The following CSMD1 variants were observed in gnomAD, a reference collection of about 807,000 sequenced individuals.
CSMD1 encodes CUB and sushi domain-containing protein 1.
CSMD1 carries 213 observed loss-of-function variants against 417.5 expected under a neutral mutation model. The observed-to-expected ratio is 0.51, with a 90% CI of 0.46 to 0.57. The LOEUF is 0.57. Ranked by LOEUF, CSMD1 falls within the 20% of genes least tolerant of loss-of-function variation. The pLI, the probability that CSMD1 is intolerant of heterozygous loss-of-function variation, is 0.00. For synonymous variants in CSMD1, 2,862 were observed against 1,736.8 expected (o/e 1.65, Z -16.11); for missense variants, 6,923 against 4,529.7 (o/e 1.53, Z -15.17).
intron 2 of CSMD1, among the ~76,000 whole-genome samples, chr8:4,599,933 T>C (rs1418314977): frequency 2.0e-5 from 3 of 152,202 alleles, no homozygotes. Context: ...AACCCAGGTA[T>C]GCATGGATCT....
intron 1 of CSMD1, among the ~76,000 whole-genome samples, chr8:4,876,878 A>G (rs1340586728): frequency 6.6e-6 from 1 of 152,092 alleles, no homozygotes; most frequent in African/African-American, 2.4e-5. Context: ...AAGAATGAGC[A>G]AAAAGGCAAA....
At chr8:4,371,375 T>G (rs150080366) in intron 3 of CSMD1, among the ~76,000 whole-genome samples, 1 of 152,332 alleles carries the variant, frequency 6.6e-6, no homozygotes, top group Non-Finnish European at 1.5e-5. Context: ...AACTTCCTGT[T>G]ATATTTTGTA....
intron 17 of CSMD1, among the ~76,000 whole-genome samples, chr8:3,393,485 G>T (rs1811470486): frequency 6.6e-6 from 1 of 152,028 alleles, no homozygotes; most frequent in Admixed American, 6.6e-5. Context: ...AAGAAAAATG[G>T]CATTTTTTTC....
chr8:4,285,908 A>G (rs1797033258), intron 3 of CSMD1, among the ~76,000 whole-genome samples: 1 of 152,182 alleles, frequency 6.6e-6, no homozygotes, highest in Non-Finnish European at 1.5e-5. Context: ...AAGTATTTTA[A>G]ATACCATCTG....
At chr8:3,942,543 G>C (rs539933738) in intron 5 of CSMD1, among the ~76,000 whole-genome samples, 34 of 152,230 alleles carry the variant, frequency 2.2e-4, no homozygotes, top group African/African-American at 7.9e-4. Context: ...CGGTGCATGA[G>C]GACTGAAAAT....
At chr8:3,668,522 T>C (rs769695783) in intron 7 of CSMD1, among the ~76,000 whole-genome samples, 3 of 152,216 alleles carry the variant, frequency 2.0e-5, no homozygotes, top group Admixed American at 6.5e-5. Context: ...CTGGGCATTG[T>C]ACACCTTGGT....
chr8:4,463,133 A>G (rs1780244086), intron 2 of CSMD1, among the ~76,000 whole-genome samples: 2 of 152,220 alleles, frequency 1.3e-5, no homozygotes, highest in African/African-American at 4.8e-5. Context: ...ACAATAATCG[A>G]ATAGACGCTG....
At chr8:4,377,202 G>C (rs111482884) in intron 3 of CSMD1, among the ~76,000 whole-genome samples, 42 of 152,038 alleles carry the variant, frequency 2.8e-4, no homozygotes, top group African/African-American at 9.9e-4. Context: ...CTTTTGGAAG[G>C]GCTGAGAGCG....
chr8:4,078,016 G>A (rs910113629), intron 3 of CSMD1, among the ~76,000 whole-genome samples: 1 of 151,934 alleles, frequency 6.6e-6, no homozygotes. Flanking sequence ...AAAAAATAGC[G>A]CTATTTCAAG....
intron 26 of CSMD1, among the ~76,000 whole-genome samples, chr8:3,263,334 A>C (rs13257743): frequency 6.6e-6 from 1 of 152,050 alleles, no homozygotes; most frequent in African/African-American, 2.4e-5. Flanking sequence ...CCTGGCCTCA[A>C]GTGATCTGCC....
At chr8:3,099,844 C>A (rs539467153) in intron 46 of CSMD1, among the ~76,000 whole-genome samples, 137 of 152,276 alleles carry the variant, frequency 9.0e-4, no homozygotes, top group Non-Finnish European at 1.7e-3. Context: ...CACTAGTTTA[C>A]AGAGGACTCT....
At chr8:4,303,936 T>A (rs1378622818) in intron 3 of CSMD1, among the ~76,000 whole-genome samples, 4 of 152,140 alleles carry the variant, frequency 2.6e-5, no homozygotes, top group African/African-American at 9.7e-5. Context: ...AAAGAAAGGA[T>A]AAGCTCCAGC....
At chr8:4,048,679 G>A (rs1248736166) in intron 3 of CSMD1, among the ~76,000 whole-genome samples, 3 of 152,114 alleles carry the variant, frequency 2.0e-5, no homozygotes, top group Non-Finnish European at 4.4e-5. Context: ...AAGTGTGATT[G>A]GATCAATGTG....
At chr8:4,044,055 T>G (rs1431199398) in intron 3 of CSMD1, among the ~76,000 whole-genome samples, 1 of 152,108 alleles carries the variant, frequency 6.6e-6, no homozygotes, top group Non-Finnish European at 1.5e-5. Context: ...ATTAGGAGAC[T>G]GGGGTTCCTG....
At position 3,091,576 on chromosome 8, in the gene CSMD1, A is replaced by G. The variant is rs546391127; in HGVS notation, c.7225T>C (p.Tyr2409His). 1.6e-5 allele frequency: 26 copies of G among 1,611,126 alleles called. No individual in the cohort carries two copies. Among genetic ancestry groups the G allele is most frequent in the East Asian group, 2.2e-5 (1 of 44,684 alleles). ...GCATGGTCAGTGGACCAGCGGAGAT[A>G]TAACTGATTACTCCTGCTTGTAAAA... ...SNFTSRSNQL[Y>H]LRWSTDHATS... The change falls in exon 48 of 70, where the codon TAT becomes CAT. Residue 2409 changes from tyrosine (Y) to histidine (H), a missense_variant. Coordinates refer to ENST00000635120, the MANE Select transcript of CSMD1 (RefSeq NM_033225.6).
At chr8:4,917,259 G>T (rs904540196) in intron 1 of CSMD1, among the ~76,000 whole-genome samples, 22 of 152,226 alleles carry the variant, frequency 1.4e-4, no homozygotes, top group African/African-American at 5.3e-4. Flanking sequence ...TAGGGGGATG[G>T]TTCTAAACCA....
intron 42 of CSMD1, among the ~76,000 whole-genome samples, chr8:3,111,480 C>A (rs889963982): frequency 4.6e-5 from 7 of 152,130 alleles, no homozygotes; most frequent in Admixed American, 1.3e-4. Flanking sequence ...GGAGCCTCCA[C>A]TTCTATAAAT....
intron 62 of CSMD1, among the ~76,000 whole-genome samples, chr8:2,959,854 G>C (rs1387009105): frequency 6.6e-6 from 1 of 152,146 alleles, no homozygotes; most frequent in Non-Finnish European, 1.5e-5. Flanking sequence ...GCATTTCATG[G>C]TCTCAACCTT....
chr8:4,249,331 G>A (rs1391989781), intron 3 of CSMD1, among the ~76,000 whole-genome samples: 2 of 152,220 alleles, frequency 1.3e-5, no homozygotes, highest in Non-Finnish European at 2.9e-5. Context: ...TTGTTTCTAA[G>A]AGGATGGAAT....
Sources: allele counts gnomAD v4.1 joint callset (sites outside exome capture counted in the v4.1 genomes callset), GRCh38; gene constraint gnomAD v4.1.1; transcripts MANE v1.5; gene names NCBI Gene and HGNC (gene_info 2026-07-23, HGNC 2026-07-21).